The following ADAMTSL1 variants were observed in gnomAD, a reference collection of about 807,000 sequenced individuals.
ADAMTSL1 encodes ADAMTS like 1.
ADAMTSL1 carries 126 observed loss-of-function variants against 201.8 expected under a neutral mutation model. That is an observed-to-expected ratio of 0.62 (90% CI 0.54 to 0.72). ADAMTSL1 has a LOEUF of 0.72. Among genes scored for constraint, ADAMTSL1 ranks in the 30% least tolerant of loss-of-function variants. The pLI is 0.00. For missense variants in ADAMTSL1, 2,679 were observed against 2,277.8 expected, an observed-to-expected ratio of 1.18 and a Z score of -3.59; for synonymous variants, 1,121 against 903.4, an observed-to-expected ratio of 1.24 and a Z score of -4.32.
At chr9:17,926,807 T>A (rs1412336202) in intron 1 of ADAMTSL1, among the ~76,000 whole-genome samples, 1 of 152,230 alleles carries the variant, frequency 6.6e-6, no homozygotes, top group African/African-American at 2.4e-5. Context: ...TGACTGTGTG[T>A]GTCTATGTGT....
chr9:17,943,459 T>C (rs1328891014), intron 1 of ADAMTSL1, among the ~76,000 whole-genome samples: 1 of 152,128 alleles, frequency 6.6e-6, no homozygotes, highest in Non-Finnish European at 1.5e-5. Context: ...TTTTCTTGAC[T>C]TCCTAAATAA....
At chr9:18,573,539 T>G (rs1040859206) in intron 3 of ADAMTSL1, among the ~76,000 whole-genome samples, 3 of 152,190 alleles carry the variant, frequency 2.0e-5, no homozygotes, top group African/African-American at 7.2e-5. Flanking sequence ...GACAAAAAAT[T>G]ACAACTCCAC....
intron 1 of ADAMTSL1, among the ~76,000 whole-genome samples, chr9:17,929,365 C>G (rs1484660438): frequency 6.6e-6 from 1 of 152,040 alleles, no homozygotes; most frequent in Non-Finnish European, 1.5e-5. Context: ...ACTGTAAGAC[C>G]TCTTCTTTCG....
At chr9:18,458,703 A>G (rs1008829011) in intron 2 of ADAMTSL1, among the ~76,000 whole-genome samples, 5 of 152,176 alleles carry the variant, frequency 3.3e-5, no homozygotes, top group Non-Finnish European at 5.9e-5. Context: ...TCAGTCAGTG[A>G]GGATTTTCTC....
chr9:18,163,493 A>G (rs1048546936), intron 1 of ADAMTSL1, among the ~76,000 whole-genome samples: 2 of 151,964 alleles, frequency 1.3e-5, no homozygotes, highest in African/African-American at 4.8e-5. Flanking sequence ...CTATTGGACT[A>G]AGGATTGATC....
At chr9:18,066,577 A>T (rs955796153) in intron 1 of ADAMTSL1, among the ~76,000 whole-genome samples, 1 of 152,210 alleles carries the variant, frequency 6.6e-6, no homozygotes, top group Non-Finnish European at 1.5e-5. Context: ...AGGTAATTAA[A>T]AATTGCTATT....
At chr9:18,749,273 G>T (rs1259902755) in intron 15 of ADAMTSL1, among the ~76,000 whole-genome samples, 1 of 152,184 alleles carries the variant, frequency 6.6e-6, no homozygotes, top group Non-Finnish European at 1.5e-5. Flanking sequence ...CAAGCTAGCA[G>T]TCGAGTGGGG....
At chr9:18,518,949 G>A (rs1429965141) in intron 2 of ADAMTSL1, among the ~76,000 whole-genome samples, 1 of 152,106 alleles carries the variant, frequency 6.6e-6, no homozygotes, top group African/African-American at 2.4e-5. Context: ...AGAGGCATGG[G>A]TGCTACAGGA....
At chr9:18,342,918 A>G (rs529746254) in intron 2 of ADAMTSL1, among the ~76,000 whole-genome samples, 1 of 152,282 alleles carries the variant, frequency 6.6e-6, no homozygotes, top group South Asian at 2.1e-4. Flanking sequence ...TTCCTGTAAT[A>G]TAGCTGCTGG....
intron 4 of ADAMTSL1, among the ~76,000 whole-genome samples, chr9:18,580,580 G>C (rs1446466709): frequency 6.6e-6 from 1 of 152,102 alleles, no homozygotes; most frequent in African/African-American, 2.4e-5. Flanking sequence ...CTACTTACTA[G>C]TTGAATTTCC....
intron 23 of ADAMTSL1, among the ~76,000 whole-genome samples, chr9:18,880,593 A>G (rs1435192189): frequency 6.6e-6 from 1 of 152,224 alleles, no homozygotes; most frequent in Non-Finnish European, 1.5e-5. Flanking sequence ...TCTGTAAACC[A>G]TGCTATAAAC....
intron 2 of ADAMTSL1, among the ~76,000 whole-genome samples, chr9:18,204,536 T>C (rs1829574274): frequency 6.6e-6 from 1 of 152,168 alleles, no homozygotes; most frequent in South Asian, 2.1e-4. Context: ...GTGATAGATA[T>C]AGTATGCACT....
rs983614517 is a variant in ADAMTSL1, at chr9:18,180,360, C to T, written c.207+16379C>T. Among the ~76,000 whole-genome samples, 635 of 151,934 alleles carry T rather than the reference C, an allele frequency of 4.2e-3. 4 individuals carry two copies. Among genetic ancestry groups the T allele is most frequent in the African/African-American group, 0.015 (606 of 41,440 alleles). ...CATCCCGGCTAAAACGGTGAAACCC[C>T]GTCTCTACTAAAAATACAAAAAATT... is the stretch of plus-strand genomic sequence containing the variant. On this transcript the variant is annotated intron_variant, in intron 2 of 29. Transcript: ENST00000680146.
chr9:18,607,986 A>G (rs573287293), intron 4 of ADAMTSL1, among the ~76,000 whole-genome samples: 11 of 152,322 alleles, frequency 7.2e-5, no homozygotes, highest in African/African-American at 2.4e-4. Flanking sequence ...ATTGTCGGAC[A>G]TAAACCACTT....
intron 2 of ADAMTSL1, among the ~76,000 whole-genome samples, chr9:18,171,158 G>A (rs905599366): frequency 2.0e-5 from 3 of 152,064 alleles, no homozygotes; most frequent in Non-Finnish European, 4.4e-5. Context: ...ATATTAGAAC[G>A]TAGATAGACA....
At chr9:17,928,659 C>T (rs1826652997) in intron 1 of ADAMTSL1, among the ~76,000 whole-genome samples, 1 of 152,056 alleles carries the variant, frequency 6.6e-6, no homozygotes, top group Non-Finnish European at 1.5e-5. Context: ...CCTGTAATCC[C>T]AGTACTTTGG....
chr9:18,508,190 A>C (rs1288297133), intron 2 of ADAMTSL1, among the ~76,000 whole-genome samples: 1 of 147,794 alleles, frequency 6.8e-6, no homozygotes, highest in Non-Finnish European at 1.5e-5. Context: ...TCTCAAAAAA[A>C]AAAGAAAAAA....
intron 2 of ADAMTSL1, among the ~76,000 whole-genome samples, chr9:18,220,224 A>G (rs985400765): frequency 6.6e-6 from 1 of 152,000 alleles, no homozygotes; most frequent in East Asian, 1.9e-4. Context: ...TTCCATTATG[A>G]TGGTGAATTT....
At chr9:18,885,237 A>G (rs1828778576) in intron 23 of ADAMTSL1, among the ~76,000 whole-genome samples, 1 of 152,174 alleles carries the variant, frequency 6.6e-6, no homozygotes, top group African/African-American at 2.4e-5. Flanking sequence ...ATGCTCTTCA[A>G]AAGCACAAAG....
Sources: allele counts gnomAD v4.1 joint callset (sites outside exome capture counted in the v4.1 genomes callset), GRCh38; gene constraint gnomAD v4.1.1; transcripts MANE v1.5; gene names NCBI Gene and HGNC (gene_info 2026-07-23, HGNC 2026-07-21).